VPS35L: variants seen among roughly 807,000 people sequenced by gnomAD.
VPS35L encodes VPS35 endosomal protein sorting factor like.
VPS35L carries 83 observed loss-of-function variants against 133.0 expected under a neutral mutation model. The observed-to-expected ratio is 0.62, with a 90% CI of 0.52 to 0.75. The LOEUF is 0.75. Among genes scored for constraint, VPS35L ranks in the 30% least tolerant of loss-of-function variants. The pLI is 0.00. For synonymous variants in VPS35L, 423 were observed against 449.9 expected (o/e 0.94, Z 0.76); for missense variants, 1,083 against 1,206.8 (o/e 0.90, Z 1.52).
intron 8 of VPS35L, among the ~76,000 whole-genome samples, chr16:19,595,484 C>G (rs1419362390): frequency 6.6e-6 from 1 of 152,126 alleles, no homozygotes; most frequent in Non-Finnish European, 1.5e-5. Flanking sequence ...CTGTGTCTGG[C>G]TCCCCTGGCA....
At chr16:19,675,050 T>C (rs1975016610) in intron 27 of VPS35L, among the ~76,000 whole-genome samples, 1 of 151,562 alleles carries the variant, frequency 6.6e-6, no homozygotes, top group Admixed American at 6.6e-5. Context: ...CCTCCTGGGC[T>C]CAAATATTGT....
intron 1 of VPS35L, among the ~76,000 whole-genome samples, chr16:19,556,810 G>GTT (rs367612131): frequency 0.029 from 4,175 of 142,772 alleles, 87 homozygotes; most frequent in Non-Finnish European, 0.044. Context: ...ACACCCTGAG[G>GTT]TTTTTTTTTT....
rs1176122166 is a variant in VPS35L, at chr16:19,700,544, G to A, written c.*68G>A. 9.3e-6 allele frequency: 12 copies of A among 1,287,048 alleles called. No homozygotes were observed. Among genetic ancestry groups the A allele is most frequent in the Non-Finnish European group, 1.3e-5 (12 of 895,964 alleles). The allele number at this position is 1,287,048 out of a possible 1,614,324, so 79.7% of individuals were successfully genotyped here. ...CCAGAAAGATCTGCTCTGCTGCCCT[G>A]AACTCTTACGGCAATTTAGGTTTCT... is the stretch of plus-strand genomic sequence containing the variant. On this transcript the variant is annotated 3_prime_UTR_variant, in exon 31 of 31. Coordinates refer to ENST00000417362, the MANE Select transcript of VPS35L (RefSeq NM_020314.7).
intron 18 of VPS35L, among the ~76,000 whole-genome samples, chr16:19,630,700 G>A (rs1973427159): frequency 1.3e-5 from 2 of 152,118 alleles, no homozygotes; most frequent in Non-Finnish European, 2.9e-5. Context: ...AAATTCATAT[G>A]TTGAAATCCT....
At chr16:19,672,148 T>A (rs1974898524) in intron 27 of VPS35L, among the ~76,000 whole-genome samples, 1 of 152,122 alleles carries the variant, frequency 6.6e-6, no homozygotes, top group Admixed American at 6.5e-5. Flanking sequence ...AGGTACATTC[T>A]CACTACATTT....
At chr16:19,601,189 A>G (rs1291051294) in intron 8 of VPS35L, among the ~76,000 whole-genome samples, 1 of 152,192 alleles carries the variant, frequency 6.6e-6, no homozygotes, top group Non-Finnish European at 1.5e-5. Context: ...TCGGCTTCCC[A>G]AAGTGCTAGG....
At chr16:19,599,031 C>G (rs951084427) in intron 8 of VPS35L, among the ~76,000 whole-genome samples, 10 of 151,040 alleles carry the variant, frequency 6.6e-5, no homozygotes, top group African/African-American at 2.5e-4. Context: ...AGGCCTCTCT[C>G]TACACGAGGT....
chr16:19,700,271 T>C lies in VPS35L; in HGVS notation c.2794-107T>C, dbSNP rs1041988073. ...TCCTCTCATCCCTCAAAAAACTCAC[T>C]CTTCTCTGCTAAGAAATCTAAGCTC... On this transcript the variant is annotated intron_variant, in intron 30 of 30. Transcript: ENST00000417362. 6 of 968,342 alleles carry C rather than the reference T, an allele frequency of 6.2e-6. No individual in the cohort carries two copies. The African/African-American group carries it at 9.7e-5, about 16-fold the overall frequency. The allele number at this position is 968,342 out of a possible 1,614,324, so 60.0% of individuals were successfully genotyped here.
chr16:19,680,533 A>G (rs892358132), intron 27 of VPS35L, among the ~76,000 whole-genome samples: 3 of 152,168 alleles, frequency 2.0e-5, no homozygotes, highest in African/African-American at 7.2e-5. Context: ...AAACAGAGAG[A>G]ACCAGGAAAA....
At chr16:19,697,282 GT>G (rs1336520755) in intron 29 of VPS35L, among the ~76,000 whole-genome samples, 3 of 152,142 alleles carry the variant, frequency 2.0e-5, no homozygotes, top group Non-Finnish European at 4.4e-5. Context: ...GGGAGGGGAG[GT>G]GCCGAAGAGT....
intron 22 of VPS35L, among the ~76,000 whole-genome samples, chr16:19,642,874 A>G (rs528074039): frequency 6.6e-6 from 1 of 152,326 alleles, no homozygotes; most frequent in South Asian, 2.1e-4. Flanking sequence ...CTTGAGGCTG[A>G]GACCTATCCA....
intron 22 of VPS35L, 104 bp from the exon 23 acceptor site, chr16:19,644,782 C>T: frequency 1.4e-6 from 1 of 706,932 alleles, no homozygotes; most frequent in Non-Finnish European, 2.2e-6. Context: ...CTAGAAAATG[C>T]AAAATGTTCT....
At position 19,605,135 on chromosome 16, in the gene VPS35L, A is replaced by G. The variant is rs189953725; in HGVS notation, c.785-3043A>G. 2.9e-4 allele frequency among the ~76,000 whole-genome samples: 44 copies of G among 152,252 alleles called. 1 individual carries two copies. Among genetic ancestry groups the G allele is most frequent in the African/African-American group, 8.2e-4 (34 of 41,556 alleles). On this transcript the variant is annotated intron_variant, in intron 9 of 30. Coordinates refer to ENST00000417362, the MANE Select transcript of VPS35L (RefSeq NM_020314.7). ...CTAAGATGGTGCCAATCCCTATAAC[A>G]CTGTTACGTAAAGAGACCTCTCGCT... is the stretch of plus-strand genomic sequence containing the variant.
chr16:19,615,337 A>G (rs1412832698), intron 12 of VPS35L, among the ~76,000 whole-genome samples: 2 of 152,174 alleles, frequency 1.3e-5, no homozygotes, highest in African/African-American at 4.8e-5. Flanking sequence ...TTTCTTATAA[A>G]AGCAATACAT....
At chr16:19,675,674 C>T (rs112653628) in intron 27 of VPS35L, among the ~76,000 whole-genome samples, 37,994 of 151,848 alleles carry the variant, frequency 0.25, 4,997 homozygotes, top group Non-Finnish European at 0.28. Context: ...CTCAGCCTCC[C>T]GAGTAGCTGG....
At position 19,642,470 on chromosome 16, in the gene VPS35L, C is replaced by T. The variant is rs759890256; in HGVS notation, c.1859C>T (p.Ser620Phe). ...LLHVCKTMHD[S>F]VNALTLEDEK... ...CATGTTTGCAAGACCATGCATGACTCTGTGAAGTAAGCCATGCTTACAGCT... is the reference window on the plus strand; with the variant it reads ...CATGTTTGCAAGACCATGCATGACTTTGTGAAGTAAGCCATGCTTACAGCT... The change falls in exon 22 of 31, where the codon TCT (serine) becomes TTT (phenylalanine). Residue 620 changes from serine (S) to phenylalanine (F), a missense_variant. Physicochemically the swap from Ser to Phe is radical, Grantham distance 155. Coordinates refer to ENST00000417362, the MANE Select transcript of VPS35L (RefSeq NM_020314.7). The T allele has an allele frequency of 3.7e-6, 6 of 1,611,468 alleles. No individual in the cohort carries two copies. The African/African-American group carries it at 6.7e-5, about 18-fold the overall frequency.
rs755174966 is a variant in VPS35L at position 19,691,395 on chromosome 16, T to C, written c.2570T>C (p.Leu857Pro). ...CTCTACGGGGGAGACTCCAAGTTCC[T>C]GGCAGAAAACAACAAGCTGTGTGAG... is the stretch of plus-strand genomic sequence containing the variant. Reference protein sequence around the residue: ...DSLYGGDSKFLAENNKLCETV... With the variant: ...DSLYGGDSKFPAENNKLCETV... Residue 857 changes from leucine (L) to proline (P), a missense_variant, in exon 29 of 31, where the codon CTG becomes CCG. Coordinates refer to ENST00000417362, the MANE Select transcript of VPS35L (RefSeq NM_020314.7). 36 of 1,613,900 alleles carry C rather than the reference T, an allele frequency of 2.2e-5. No individual in the cohort carries two copies. The highest frequency in any genetic ancestry group is 7.6e-6 in the Non-Finnish European group (9 of 1,179,934).
intron 14 of VPS35L, among the ~76,000 whole-genome samples, chr16:19,620,670 G>T (rs1973049126): frequency 6.6e-6 from 1 of 152,052 alleles, no homozygotes; most frequent in Non-Finnish European, 1.5e-5. Flanking sequence ...TAAAAATTAG[G>T]CCAGGCGTGG....
chr16:19,651,821 C>G (rs1436319287), intron 25 of VPS35L, among the ~76,000 whole-genome samples, 155 bp from the exon 26 acceptor site: 1 of 152,166 alleles, frequency 6.6e-6, no homozygotes, highest in Non-Finnish European at 1.5e-5. Flanking sequence ...AGAGGGTCAT[C>G]AGAGCAGAGT....
Sources: gnomAD v4.1 joint callset for allele counts (sites outside exome capture counted in the v4.1 genomes callset) on GRCh38, gnomAD v4.1.1 for gene constraint, MANE v1.5 for transcripts, NCBI Gene and HGNC (gene_info 2026-07-23, HGNC 2026-07-21) for gene names.